Variants in ENO4 observed in about 807,000 individuals in gnomAD.
The protein encoded by ENO4 is 2-phospho-D-glycerate hydro-lyase.
In ENO4, 53 loss-of-function variants were observed where a neutral mutation model predicts 63.2. That is an observed-to-expected ratio of 0.84 (90% CI 0.67 to 1.05). ENO4 has a LOEUF of 1.05. ENO4 is among the 50% of genes least tolerant of loss of function. The pLI, the probability that ENO4 is intolerant of heterozygous loss-of-function variation, is 0.00. For missense variants in ENO4, 719 were observed against 772.0 expected, an observed-to-expected ratio of 0.93 and a Z score of 0.81; for synonymous variants, 266 against 283.8, an observed-to-expected ratio of 0.94 and a Z score of 0.63.
At chr10:116,897,850 A>T (rs568098528) in intron 10 of ENO4, among the ~76,000 whole-genome samples, 1 of 152,136 alleles carries the variant, frequency 6.6e-6, no homozygotes, top group South Asian at 2.1e-4. Flanking sequence ...CACCCTGTGC[A>T]TATGTGGACA....
intron 12 of ENO4, 22 bp from the exon 13 acceptor site, chr10:116,879,841 CTAAAAT>C: frequency 6.6e-7 from 1 of 1,509,768 alleles, no homozygotes; most frequent in South Asian, 1.2e-5. Context: ...GCTCCTCCGT[CTAAAAT>C]TAGTTTTTTC....
intron 11 of ENO4, among the ~76,000 whole-genome samples, chr10:116,877,901 T>C (rs1448081318): frequency 6.6e-6 from 1 of 152,220 alleles, no homozygotes; most frequent in Middle Eastern, 3.2e-3. Context: ...ACTATAGTCA[T>C]CTCACTTGCC....
At chr10:116,911,093 A>G (rs1333332423) in intron 10 of ENO4, among the ~76,000 whole-genome samples, 1 of 152,226 alleles carries the variant, frequency 6.6e-6, no homozygotes, top group Admixed American at 6.5e-5. Flanking sequence ...TGGGACCGTA[A>G]CAGGATCTGA....
chr10:116,905,429 G>A (rs1589793519), intron 10 of ENO4, among the ~76,000 whole-genome samples: 1 of 152,044 alleles, frequency 6.6e-6, no homozygotes, highest in Non-Finnish European at 1.5e-5. Context: ...TAGGAGGGGA[G>A]AATCTTTGTA....
At chr10:116,900,652 G>C in intron 10 of ENO4, 1 of 1,499,804 alleles carries the variant, frequency 6.7e-7, no homozygotes, top group Non-Finnish European at 8.9e-7. Flanking sequence ...TTCAAATGTA[G>C]CCAGATTGTT....
chr10:116,911,282 A>G (rs1848180329), intron 10 of ENO4, among the ~76,000 whole-genome samples: 1 of 152,180 alleles, frequency 6.6e-6, no homozygotes, highest in Non-Finnish European at 1.5e-5. Flanking sequence ...TAAAACTAGT[A>G]ACATAAAAAA....
exon 11 of ENO4, chr10:116,911,722 A>C (rs577644934): frequency 5.0e-5 from 79 of 1,581,060 alleles, no homozygotes; most frequent in Non-Finnish European, 6.3e-5. Context: ...ATTCACAAAA[A>C]ACAGATTTTA....
At chr10:116,868,593 G>A in intron 7 of ENO4, 57 bp from the exon 8 acceptor site, 1 of 1,445,000 alleles carries the variant, frequency 6.9e-7, no homozygotes, top group African/African-American at 1.4e-5. Context: ...AGCTTTGCTT[G>A]CTGCCACAGC....
intron 10 of ENO4, among the ~76,000 whole-genome samples, chr10:116,909,895 C>G (rs1416832999): frequency 6.6e-6 from 1 of 152,050 alleles, no homozygotes; most frequent in Non-Finnish European, 1.5e-5. Flanking sequence ...CTTGATAACC[C>G]CTGGTACCAG....
chr10:116,853,294 C>CAAAAA (rs56885650), intron 1 of ENO4, among the ~76,000 whole-genome samples: 3 of 96,806 alleles, frequency 3.1e-5, no homozygotes, highest in African/African-American at 4.2e-5. Flanking sequence ...GACTCCGTCT[C>CAAAAA]AAAAAAAAAA....
rs1846396649 is a variant in ENO4, at chr10:116,861,091, G to A, written c.837G>A (p.Leu279=). ...EQPTTLSMPL[L]MVSLVSCGKS... is the part of the protein sequence containing the mutation. ...CAACAACGCTATCTATGCCTTTGCT[G>A]ATGGTATCGCTGGTCAGCTGTGGGA... Residue 279 remains leucine, a synonymous_variant, in exon 6 of 14, where the codon CTG becomes CTA. Coordinates refer to ENST00000341276, the MANE Select transcript of ENO4 (RefSeq NM_001242699.2). 6.5e-7 allele frequency: 1 copy of A among 1,549,194 alleles called. No individual in the cohort carries two copies. The highest frequency in any genetic ancestry group is 2.0e-5 in the Admixed American group (1 of 50,814).
chr10:116,856,600 G>C lies in ENO4; in HGVS notation c.403G>C (p.Val135Leu). ...GAGGGCCAGCGCGGTGAGCACCGCC[G>C]TGCAGTGGGTCAACAGCACCATCAC... ...AERASAVSTA[V>L]QWVNSTITHE... Residue 135 changes from valine to leucine, a missense_variant, in exon 3 of 14, where the codon GTG becomes CTG. Val to Leu is a conservative substitution (Grantham distance 32). Coordinates refer to ENST00000341276, the MANE Select transcript of ENO4 (RefSeq NM_001242699.2). The C allele has an allele frequency of 6.5e-7, 1 of 1,536,178 alleles. No homozygotes were observed. Among genetic ancestry groups the C allele is most frequent in the Non-Finnish European group, 8.7e-7 (1 of 1,146,922 alleles).
intron 10 of ENO4, among the ~76,000 whole-genome samples, chr10:116,894,394 T>C (rs1182824274): frequency 6.6e-6 from 1 of 152,008 alleles, no homozygotes; most frequent in Non-Finnish European, 1.5e-5. Context: ...CTCTTTTGAC[T>C]CCCCCAAACG....
chr10:116,884,564 A>G (rs1200867634), downstream of ENO4: 1 of 273,388 alleles, frequency 3.7e-6, no homozygotes, highest in Non-Finnish European at 7.3e-6. Flanking sequence ...AAATATGGAA[A>G]GACAGTGTAC....
At chr10:116,888,799 A>T (rs561318029) in intron 10 of ENO4, among the ~76,000 whole-genome samples, 212 of 152,322 alleles carry the variant, frequency 1.4e-3, no homozygotes, top group Admixed American at 2.8e-3. Flanking sequence ...GTTAAAAAAA[A>T]TTTTTTTAAG....
chr10:116,857,607 G>A (rs950387882), intron 3 of ENO4, among the ~76,000 whole-genome samples: 1 of 151,304 alleles, frequency 6.6e-6, no homozygotes, highest in African/African-American at 2.4e-5. Context: ...ATTTTAGTTT[G>A]CTTCAGAGTA....
At chr10:116,864,696 G>A (rs1846506745) in intron 7 of ENO4, among the ~76,000 whole-genome samples, 1 of 152,000 alleles carries the variant, frequency 6.6e-6, no homozygotes, top group African/African-American at 2.4e-5. Context: ...TAAAAATTGA[G>A]TGTGGCCTTC....
intron 10 of ENO4, chr10:116,900,992 A>G (rs1393750077): frequency 1.0e-6 from 1 of 985,260 alleles, no homozygotes; most frequent in East Asian, 1.1e-4. Flanking sequence ...CTAGAGTTAC[A>G]AAAAAGGGGT....
intron 10 of ENO4, among the ~76,000 whole-genome samples, chr10:116,909,166 A>G (rs1038178607): frequency 5.3e-5 from 8 of 152,222 alleles, no homozygotes; most frequent in East Asian, 1.9e-4. Flanking sequence ...AGGTCCCACA[A>G]TAAGTCATTG....
Sources: gnomAD v4.1 joint callset for allele counts (sites outside exome capture counted in the v4.1 genomes callset) on GRCh38, gnomAD v4.1.1 for gene constraint, MANE v1.5 for transcripts, NCBI Gene and HGNC (gene_info 2026-07-23, HGNC 2026-07-21) for gene names.